Variants in ANK3 observed in about 807,000 individuals in gnomAD.
The protein encoded by ANK3 is ankyrin 3, also known as ankyrin-3.
A neutral mutation model predicts 370.9 loss-of-function variants in ANK3; 57 were observed. The ratio of observed to expected loss-of-function variants is 0.15; its 90% confidence interval spans 0.12 to 0.19. ANK3 has a LOEUF of 0.19. ANK3 is among the 10% of genes least tolerant of loss of function. The pLI, the probability that ANK3 is intolerant of heterozygous loss-of-function variation, is 1.00. For missense variants in ANK3, 4,439 were observed against 5,302.1 expected (o/e 0.84, Z 5.06); for synonymous variants, 1,929 against 1,946.3 (o/e 0.99, Z 0.23).
intron 1 of ANK3, among the ~76,000 whole-genome samples, chr10:60,301,835 C>T (rs1049596120): frequency 1.3e-5 from 2 of 152,176 alleles, no homozygotes; most frequent in Admixed American, 1.3e-4. Flanking sequence ...ACTGTTCTTA[C>T]ACAAGAATCA....
intron 8 of ANK3, among the ~76,000 whole-genome samples, chr10:60,215,489 T>G (rs1213613056): frequency 6.6e-6 from 1 of 152,184 alleles, no homozygotes; most frequent in Non-Finnish European, 1.5e-5. Context: ...TTTATGGTTT[T>G]GGGTTTTACT....
chr10:60,128,854 G>T (rs1017349761), intron 25 of ANK3, among the ~76,000 whole-genome samples: 1 of 152,138 alleles, frequency 6.6e-6, no homozygotes, highest in Non-Finnish European at 1.5e-5. Flanking sequence ...TGACACTGAA[G>T]GTATCTAGTG....
At chr10:60,704,855 T>C (rs1423300137) in intron 1 of ANK3, among the ~76,000 whole-genome samples, 1 of 152,216 alleles carries the variant, frequency 6.6e-6, no homozygotes. Flanking sequence ...TGCAAACAAC[T>C]GAAAAATAAT....
At chr10:60,187,307 C>T (rs1462856293) in intron 16 of ANK3, among the ~76,000 whole-genome samples, 2 of 152,084 alleles carry the variant, frequency 1.3e-5, no homozygotes, top group East Asian at 3.9e-4. Context: ...AGGCGCCTGC[C>T]ACCATGCCCG....
chr10:60,156,908 G>A (rs2095346608), intron 23 of ANK3, among the ~76,000 whole-genome samples: 1 of 152,082 alleles, frequency 6.6e-6, no homozygotes, highest in Admixed American at 6.5e-5. Context: ...CAAGCATCAA[G>A]GACATCCAAG....
At chr10:60,509,602 G>A (rs1156865975) in intron 2 of ANK3, among the ~76,000 whole-genome samples, 3 of 152,078 alleles carry the variant, frequency 2.0e-5, no homozygotes, top group Non-Finnish European at 4.4e-5. Flanking sequence ...GATTCATTTT[G>A]ACATGTTTTT....
intron 2 of ANK3, among the ~76,000 whole-genome samples, chr10:60,571,659 C>G (rs188840991): frequency 6.6e-6 from 1 of 152,144 alleles, no homozygotes; most frequent in South Asian, 2.1e-4. Context: ...GCACAACTGT[C>G]TTTTCCATTG....
chr10:60,649,086 G>A (rs2078752106), intron 1 of ANK3, among the ~76,000 whole-genome samples: 1 of 152,086 alleles, frequency 6.6e-6, no homozygotes, highest in African/African-American at 2.4e-5. Context: ...AATTTTCTGT[G>A]CAGAACCACC....
chr10:60,419,657 CAG>C (rs2132948452), intron 2 of ANK3, among the ~76,000 whole-genome samples: 1 of 152,244 alleles, frequency 6.6e-6, no homozygotes, highest in South Asian at 2.1e-4. Flanking sequence ...CAGGAAGAAA[CAG>C]AGTCCCTTCT....
intron 25 of ANK3, among the ~76,000 whole-genome samples, chr10:60,130,733 C>T (rs1476730514): frequency 1.3e-5 from 2 of 152,170 alleles, no homozygotes; most frequent in African/African-American, 4.8e-5. Flanking sequence ...CTTCTGTCTG[C>T]CAGCTTCTTC....
At chr10:60,408,837 C>T (rs1179747246) in intron 2 of ANK3, among the ~76,000 whole-genome samples, 2 of 152,144 alleles carry the variant, frequency 1.3e-5, no homozygotes, top group Non-Finnish European at 2.9e-5. Context: ...TTCCCCCCTC[C>T]CAAACCCCTC....
intron 2 of ANK3, among the ~76,000 whole-genome samples, chr10:60,574,604 T>C (rs2077660094): frequency 6.6e-6 from 1 of 152,234 alleles, no homozygotes; most frequent in African/African-American, 2.4e-5. Context: ...CCCTTGCTCA[T>C]CTTCAAAACA....
chr10:60,547,979 A>G (rs145733767), intron 2 of ANK3, among the ~76,000 whole-genome samples: 65 of 152,278 alleles, frequency 4.3e-4, no homozygotes, highest in African/African-American at 1.4e-3. Context: ...AAATTACAAG[A>G]TACTGCAAAG....
chr10:60,221,925 G>A (rs1454317588), intron 8 of ANK3, among the ~76,000 whole-genome samples: 1 of 152,216 alleles, frequency 6.6e-6, no homozygotes, highest in African/African-American at 2.4e-5. Flanking sequence ...TGGAAGAGCT[G>A]TGAAGTATTA....
chr10:60,647,751 A>G lies in ANK3; in HGVS notation c.58-32527T>C, dbSNP rs556631329. On this transcript the variant is annotated intron_variant, in intron 1 of 43. Coordinates refer to the ANK3 transcript ENST00000373827. The stretch of plus-strand genomic sequence containing the variant: ...TTAGGGTCTAAAAACACGTCATTGT[A>G]TAGCACAGAATAGAGGAAAACATTT... 3.9e-5 allele frequency among the ~76,000 whole-genome samples: 6 copies of G among 152,320 alleles called. No individual in the cohort carries two copies. The East Asian group carries it at 1.2e-3, about 29-fold the overall frequency.
At chr10:60,643,992 C>T (rs1410031186) in intron 1 of ANK3, among the ~76,000 whole-genome samples, 2 of 152,178 alleles carry the variant, frequency 1.3e-5, no homozygotes. Context: ...CTAAAAATAT[C>T]CCCTCCTGGC....
intron 25 of ANK3, among the ~76,000 whole-genome samples, chr10:60,122,607 C>A (rs10994211): frequency 0.29 from 44,174 of 152,202 alleles, 7,625 homozygotes; most frequent in Non-Finnish European, 0.38. Flanking sequence ...TTAGTTTCTG[C>A]ATTTTCAAAC....
At chr10:60,423,506 A>T (rs1292255465) in intron 2 of ANK3, among the ~76,000 whole-genome samples, 1 of 151,896 alleles carries the variant, frequency 6.6e-6, no homozygotes, top group East Asian at 1.9e-4. Flanking sequence ...AGCTCAGAAC[A>T]TCTAGAATAG....
chr10:60,617,002 C>T (rs562779608), intron 1 of ANK3, among the ~76,000 whole-genome samples: 4 of 152,186 alleles, frequency 2.6e-5, no homozygotes, highest in South Asian at 4.1e-4. Flanking sequence ...TGTCTTTACT[C>T]AGGATGTTTG....
Sources: allele counts gnomAD v4.1 joint callset (sites outside exome capture counted in the v4.1 genomes callset), GRCh38; gene constraint gnomAD v4.1.1; transcripts MANE v1.5; gene names NCBI Gene and HGNC (gene_info 2026-07-23, HGNC 2026-07-21).